Variants in MCTP2 observed in about 807,000 individuals in gnomAD.
MCTP2 encodes the protein multiple C2 and transmembrane domain containing 2.
A neutral mutation model predicts 111.6 loss-of-function variants in MCTP2; 132 were observed. That is an observed-to-expected ratio of 1.18 (90% CI 1.03 to 1.37). The LOEUF (loss-of-function observed/expected upper bound fraction) is 1.37, where lower values mean the gene tolerates loss of function less well. Among genes scored for constraint, MCTP2 ranks in the 40% most tolerant of loss-of-function variants. The pLI is 0.00. For synonymous variants in MCTP2, 395 were observed against 387.7 expected, an observed-to-expected ratio of 1.02 and a Z score of -0.22; for missense variants, 1,183 against 1,067.9, an observed-to-expected ratio of 1.11 and a Z score of -1.50.
At chr15:94,262,261 G>A (rs1007067231) in intron 1 of MCTP2, among the ~76,000 whole-genome samples, 2 of 152,054 alleles carry the variant, frequency 1.3e-5, no homozygotes, top group African/African-American at 4.8e-5. Flanking sequence ...TATGTATAAT[G>A]TTTGTTAATT....
intron 1 of MCTP2, 146 bp from the exon 2 acceptor site, chr15:94,298,055 T>C (rs921845): frequency 0.66 from 280,353 of 424,274 alleles, 93,402 homozygotes; most frequent in East Asian, 0.75. Context: ...AAGTTACCAA[T>C]CAAATGTTGC....
At chr15:94,289,377 A>G (rs1271852411) in intron 1 of MCTP2, among the ~76,000 whole-genome samples, 3 of 152,212 alleles carry the variant, frequency 2.0e-5, no homozygotes, top group Non-Finnish European at 2.9e-5. Context: ...TAGCTAAAAT[A>G]TCCTTCAGAA....
intron 8 of MCTP2, among the ~76,000 whole-genome samples, chr15:94,348,567 A>G (rs2078127835): frequency 7.9e-6 from 1 of 126,026 alleles, no homozygotes; most frequent in Non-Finnish European, 1.7e-5. Flanking sequence ...GATTGTTTGT[A>G]GTCATATATC....
chr15:94,397,234 C>T (rs1170548507), intron 14 of MCTP2, among the ~76,000 whole-genome samples: 1 of 152,154 alleles, frequency 6.6e-6, no homozygotes, highest in Non-Finnish European at 1.5e-5. Flanking sequence ...ATTTTGCTGA[C>T]ACAATGTGAG....
intron 4 of MCTP2, among the ~76,000 whole-genome samples, chr15:94,333,879 A>G (rs2077238527): frequency 6.6e-6 from 1 of 152,248 alleles, no homozygotes; most frequent in Non-Finnish European, 1.5e-5. Flanking sequence ...ATTATTTTAT[A>G]GAAATGTTCC....
At chr15:94,387,634 G>C (rs990732915) in intron 14 of MCTP2, among the ~76,000 whole-genome samples, 1 of 152,168 alleles carries the variant, frequency 6.6e-6, no homozygotes, top group Non-Finnish European at 1.5e-5. Flanking sequence ...AGTGCTTTAG[G>C]TGATAGAGCT....
intron 1 of MCTP2, among the ~76,000 whole-genome samples, chr15:94,295,249 C>T (rs200066007): frequency 0.29 from 44,004 of 151,858 alleles, 6,432 homozygotes; most frequent in African/African-American, 0.32. Flanking sequence ...CACACCTGGC[C>T]GGGACTGGGT....
chr15:94,411,138 A>G (rs1236217848), intron 17 of MCTP2, among the ~76,000 whole-genome samples: 1 of 152,166 alleles, frequency 6.6e-6, no homozygotes, highest in Non-Finnish European at 1.5e-5. Context: ...ATGTGCAAAC[A>G]TTTTGTGTGA....
At chr15:94,415,821 G>A (rs2082351094) in intron 17 of MCTP2, among the ~76,000 whole-genome samples, 1 of 152,130 alleles carries the variant, frequency 6.6e-6, no homozygotes, top group African/African-American at 2.4e-5. Flanking sequence ...ACTCAATCTT[G>A]TGTGTCTGGA....
At chr15:94,394,793 C>T (rs2081197726) in intron 14 of MCTP2, among the ~76,000 whole-genome samples, 1 of 152,060 alleles carries the variant, frequency 6.6e-6, no homozygotes, top group Admixed American at 6.6e-5. Flanking sequence ...GTTATATTAA[C>T]ATTGTGTTTT....
intron 12 of MCTP2, 41 bp from the exon 13 acceptor site, chr15:94,383,981 G>T: frequency 2.1e-6 from 3 of 1,419,458 alleles, no homozygotes; most frequent in Admixed American, 3.4e-5. Flanking sequence ...TCCCTTTCGA[G>T]ATTCACTTGT....
chr15:94,271,924 G>A lies in MCTP2; in HGVS notation c.-65-26277G>A, dbSNP rs563740701. Among the ~76,000 whole-genome samples the A allele has an allele frequency of 7.2e-5, 11 of 152,256 alleles. No homozygotes were observed. The East Asian group carries it at 2.1e-3, about 29-fold the overall frequency. On this transcript the variant is annotated intron_variant, in intron 1 of 22. Coordinates refer to ENST00000357742, the MANE Select transcript of MCTP2 (RefSeq NM_001385001.1). ...CTAAAATAACTTCTTTACCTAAGTTGGACAAGATTTTGTACTGGAAATTAA... is the reference window on the plus strand; with the variant it reads ...CTAAAATAACTTCTTTACCTAAGTTAGACAAGATTTTGTACTGGAAATTAA...
intron 19 of MCTP2, among the ~76,000 whole-genome samples, 160 bp from the exon 20 acceptor site, chr15:94,457,977 T>C (rs2304294): frequency 0.14 from 21,096 of 150,972 alleles, 1,698 homozygotes; most frequent in South Asian, 0.21. Flanking sequence ...AACAGATTTT[T>C]CTGGGGGGGG....
chr15:94,392,444 A>T (rs2081039823), intron 14 of MCTP2, among the ~76,000 whole-genome samples: 1 of 152,098 alleles, frequency 6.6e-6, no homozygotes, highest in South Asian at 2.1e-4. Flanking sequence ...ATACAAATAT[A>T]TGTGCATATT....
chr15:94,298,540 G>T lies in MCTP2; in HGVS notation c.275G>T (p.Ser92Ile), dbSNP rs371659239. Residue 92 changes from serine to isoleucine, a missense_variant, in exon 2 of 23, where the codon AGC (serine) becomes ATC (isoleucine). Ser to Ile is a moderately radical substitution (Grantham distance 142, BLOSUM62 -2). Coordinates refer to ENST00000357742, the MANE Select transcript of MCTP2 (RefSeq NM_001385001.1). The stretch of plus-strand genomic sequence containing the variant: ...ACTGCAGGGATCTTTCCCAAGAGCA[G>T]CAGTAGCTCCTTGAAACAGTCTGAA... ...LSTAGIFPKS[S>I]SSSLKQSEEE... 2.8e-5 allele frequency: 45 copies of T among 1,614,058 alleles called. No homozygotes were observed. Among genetic ancestry groups the T allele is most frequent in the Non-Finnish European group, 3.5e-5 (41 of 1,180,036 alleles).
At chr15:94,391,835 G>A (rs16949076) in intron 14 of MCTP2, among the ~76,000 whole-genome samples, 25,522 of 151,950 alleles carry the variant, frequency 0.17, 2,725 homozygotes, top group African/African-American at 0.29. Context: ...GTCTCCTGAT[G>A]GCAAGTAGAA....
At chr15:94,342,162 A>G (rs2077678923) in intron 7 of MCTP2, 1 of 152,212 alleles carries the variant, frequency 6.6e-6, no homozygotes. Flanking sequence ...TGATTTCTCC[A>G]TGAAAATAGC....
chr15:94,441,720 A>G (rs187190208), intron 18 of MCTP2, among the ~76,000 whole-genome samples: 1 of 152,356 alleles, frequency 6.6e-6, no homozygotes, highest in Non-Finnish European at 1.5e-5. Context: ...ATAGTGACGA[A>G]GTGATTTGCC....
chr15:94,250,149 A>C (rs551431073), intron 1 of MCTP2, among the ~76,000 whole-genome samples: 1 of 152,190 alleles, frequency 6.6e-6, no homozygotes, highest in Non-Finnish European at 1.5e-5. Context: ...ACTTAAAATT[A>C]TACCATAAAT....
Sources: allele counts gnomAD v4.1 joint callset (sites outside exome capture counted in the v4.1 genomes callset), GRCh38; gene constraint gnomAD v4.1.1; transcripts MANE v1.5; gene names NCBI Gene and HGNC (gene_info 2026-07-23, HGNC 2026-07-21).